Variants in BIRC6 observed in about 807,000 individuals in gnomAD.
BIRC6 encodes the protein baculoviral IAP repeat containing 6, also known as dual E2 ubiquitin-conjugating enzyme/E3 ubiquitin-protein ligase BIRC6.
Under a neutral mutation model 503.3 loss-of-function variants are expected in BIRC6, and 98 were observed. The observed-to-expected ratio is 0.19, with a 90% confidence interval of 0.17 to 0.23. BIRC6 has a LOEUF of 0.23. Ranked by LOEUF, BIRC6 falls within the 10% of genes least tolerant of loss-of-function variation. The probability of loss-of-function intolerance (pLI) is 1.00; values close to 1 mark genes in which losing one functional copy is unlikely to be tolerated. For synonymous variants in BIRC6, 2,240 were observed against 2,078.7 expected, an observed-to-expected ratio of 1.08 and a Z score of -2.11; for missense variants, 5,360 against 5,806.0, an observed-to-expected ratio of 0.92 and a Z score of 2.50.
intron 65 of BIRC6, 118 bp from the exon 66 acceptor site, chr2:32,575,038 G>A (rs753384177): frequency 1.3e-5 from 14 of 1,054,848 alleles, no homozygotes; most frequent in East Asian, 2.4e-5. Context: ...CTGAACCAGC[G>A]TGCCCAGCCG....
intron 8 of BIRC6, among the ~76,000 whole-genome samples, chr2:32,405,065 A>G (rs187046403): frequency 1.7e-3 from 260 of 152,322 alleles, no homozygotes; most frequent in African/African-American, 6.0e-3. Context: ...GAATTCCTTT[A>G]AAACATACTA....
rs564085394 is a variant in BIRC6, at chr2:32,407,217, G to A, written c.1477+660G>A. Among the ~76,000 whole-genome samples the A allele has an allele frequency of 5.9e-5, 9 of 152,170 alleles. No individual in the cohort carries two copies. The South Asian group carries it at 6.2e-4, about 10-fold the overall frequency. On this transcript the variant is annotated intron_variant, in intron 9 of 73. Transcript: ENST00000421745. ...TCCTAGCACTTTGGGAGGCCACAGC[G>A]GGTGGATCACCTGAGATCAGGAGTT...
Position 32,447,292 on chromosome 2 carries a change from C to T in BIRC6, c.4485-1503C>T, listed in dbSNP as rs1574271837. The stretch of plus-strand genomic sequence containing the variant: ...GCACACCTCCCAGACGGGGTCGTGG[C>T]CGGGCAGAGGGGCTCCTCACTTCCC... On this transcript the variant is annotated intron_variant, in intron 21 of 73. Coordinates refer to ENST00000421745, the MANE Select transcript of BIRC6 (RefSeq NM_016252.4). Among the ~76,000 whole-genome samples the T allele has an allele frequency of 1.3e-5, 2 of 149,566 alleles. 1 individual carries two copies. The highest frequency in any genetic ancestry group is 4.2e-4 in the South Asian group (2 of 4,714).
chr2:32,405,117 C>T (rs2041050601), intron 8 of BIRC6, among the ~76,000 whole-genome samples: 2 of 152,066 alleles, frequency 1.3e-5, no homozygotes. Flanking sequence ...CAGGTTAATA[C>T]TTGGTTATTT....
At position 32,499,304 on chromosome 2, in the gene BIRC6, G is replaced by A. The variant is rs543379819; in HGVS notation, c.8469-243G>A. On this transcript the variant is annotated intron_variant, in intron 45 of 73. Transcript: ENST00000421745. ...CCGGATATACTTGTCCCTTAGTTTT[G>A]TATTTGGAAGGGAGGTTGTTTTTGA... is the stretch of plus-strand genomic sequence containing the variant. Among the ~76,000 whole-genome samples, 21 of 152,234 alleles carry A rather than the reference G, an allele frequency of 1.4e-4. 1 individual carries two copies. Among genetic ancestry groups the A allele is most frequent in the South Asian group, 6.2e-4 (3 of 4,830 alleles).
At position 32,505,033 on chromosome 2, in the gene BIRC6, C is replaced by T; in HGVS notation, c.9528C>T (p.Ala3176=). 1 of 1,613,712 alleles carries T rather than the reference C, an allele frequency of 6.2e-7. No homozygotes were observed. Among genetic ancestry groups the T allele is most frequent in the Non-Finnish European group, 8.5e-7 (1 of 1,179,782 alleles). Residue 3176 remains alanine (A), a synonymous_variant, in exon 50 of 74, where the codon GCC becomes GCT. Transcript: ENST00000421745. ...LGTITSSSPT[A]QPAEVLLQAT... is the part of the protein sequence containing the mutation. ...CAATCACATCTAGCAGTCCTACTGC[C>T]CAACCAGCTGAAGTGCTATTGCAGG...
intron 9 of BIRC6, among the ~76,000 whole-genome samples, chr2:32,410,036 A>G (rs1417719060): frequency 6.6e-6 from 1 of 152,240 alleles, no homozygotes; most frequent in African/African-American, 2.4e-5. Context: ...CTCACCTCAC[A>G]TACCATTTAC....
Position 32,488,638 on chromosome 2 carries a change from A to T in BIRC6, c.8019A>T (p.Ser2673=), listed in dbSNP as rs574921438. The change falls in exon 42 of 74, where the codon TCA becomes TCT. Residue 2673 remains serine, a synonymous_variant. Coordinates refer to ENST00000421745, the MANE Select transcript of BIRC6 (RefSeq NM_016252.4). ...LWLTLSLNSS[S]TGNKENGADI... ...TCACACTGAGCCTGAATTCTAGTTC[A>T]ACTGGAAACAAAGAAAATGGAGCAG... is the stretch of plus-strand genomic sequence containing the variant. 7.2e-6 allele frequency: 11 copies of T among 1,523,704 alleles called. No homozygotes were observed. The East Asian group carries it at 2.7e-4, about 37-fold the overall frequency. 94.4% of individuals were successfully genotyped at this position (1,523,704 alleles called of 1,614,324 possible). A position where few individuals can be genotyped will look rare whatever the true frequency, so the allele number is the denominator to read the frequency against.
At chr2:32,487,159 TTCTC>T (rs2051095935) in intron 40 of BIRC6, among the ~76,000 whole-genome samples, 1 of 152,174 alleles carries the variant, frequency 6.6e-6, no homozygotes, top group Admixed American at 6.6e-5. Context: ...ATCCTTGTAT[TTCTC>T]TGGTTCCCAT....
At chr2:32,535,150 CAAAAAAAAA>C (rs1158856665) in intron 61 of BIRC6, among the ~76,000 whole-genome samples, 7 of 7,274 alleles carry the variant, frequency 9.6e-4, no homozygotes, top group South Asian at 6.6e-3. Flanking sequence ...CCCAAAAAAG[CAAAAAAAAA>C]AAAAAAAAAA....
intron 65 of BIRC6, among the ~76,000 whole-genome samples, chr2:32,574,377 C>T (rs1255228353): frequency 1.3e-5 from 2 of 151,974 alleles, no homozygotes; most frequent in Non-Finnish European, 2.9e-5. Context: ...CTTGGCCTCC[C>T]AAAGGTCTGG....
At chr2:32,588,531 C>T (rs2061208028) in intron 66 of BIRC6, among the ~76,000 whole-genome samples, 2 of 152,088 alleles carry the variant, frequency 1.3e-5, no homozygotes, top group African/African-American at 4.8e-5. Context: ...TATTATTTTC[C>T]ATTTCCTGCA....
chr2:32,560,891 C>T (rs577082021), intron 65 of BIRC6, among the ~76,000 whole-genome samples: 4 of 151,626 alleles, frequency 2.6e-5, no homozygotes, highest in East Asian at 3.9e-4. Flanking sequence ...TGCAACATCT[C>T]GTGCTTTATA....
intron 66 of BIRC6, among the ~76,000 whole-genome samples, chr2:32,576,627 T>A (rs1051532114): frequency 2.0e-5 from 3 of 152,094 alleles, no homozygotes; most frequent in African/African-American, 4.8e-5. Flanking sequence ...ATAGTGTAGA[T>A]CAAAAGATCA....
At chr2:32,426,368 C>T (rs2043493492) in intron 10 of BIRC6, among the ~76,000 whole-genome samples, 1 of 152,204 alleles carries the variant, frequency 6.6e-6, no homozygotes, top group East Asian at 1.9e-4. Context: ...TTTGGGAGGT[C>T]AAGGCGGGCA....
At chr2:32,542,331 T>G (rs183284891) in intron 61 of BIRC6, among the ~76,000 whole-genome samples, 1 of 152,210 alleles carries the variant, frequency 6.6e-6, no homozygotes, top group East Asian at 1.9e-4. Flanking sequence ...AATGTTTTGC[T>G]GTGCTAGAAA....
rs758442904 is a variant in BIRC6, at chr2:32,415,524, T to G, written c.2233T>G (p.Leu745Val). ...AACTCCTTGTGCTGACGGAATTCAT[T>G]TGTTGGTAGGACTGCGGACATGCCC... ...SITPCADGIH[L>V]LVGLRTCPVE... The change falls in exon 10 of 74, where the codon TTG becomes GTG. Residue 745 changes from leucine (L) to valine (V), a missense_variant. Physicochemically the swap from Leu to Val is conservative, Grantham distance 32 (BLOSUM62 1). This residue lies in a region of BIRC6 where 700 missense variants were observed against 739.3 expected (regional missense o/e 0.95). Transcript: ENST00000421745. The G allele has an allele frequency of 5.7e-5, 92 of 1,613,870 alleles. No individual in the cohort carries two copies. Among genetic ancestry groups the G allele is most frequent in the Non-Finnish European group, 7.2e-5 (85 of 1,179,896 alleles).
At chr2:32,584,264 T>G (rs990793499) in intron 66 of BIRC6, among the ~76,000 whole-genome samples, 3 of 152,168 alleles carry the variant, frequency 2.0e-5, no homozygotes, top group African/African-American at 7.2e-5. Context: ...GTGCAGTGGC[T>G]CTCACCTTTA....
chr2:32,466,639 A>G (rs766984480), intron 26 of BIRC6, among the ~76,000 whole-genome samples: 4 of 152,248 alleles, frequency 2.6e-5, no homozygotes, highest in South Asian at 2.1e-4. Flanking sequence ...AAAGTTGCCA[A>G]TGGCTGAAAG....
Sources: allele counts gnomAD v4.1 joint callset (sites outside exome capture counted in the v4.1 genomes callset), GRCh38; gene constraint gnomAD v4.1.1; regional missense constraint gnomAD v4.1.1; transcripts MANE v1.5; gene names NCBI Gene and HGNC (gene_info 2026-07-23, HGNC 2026-07-21).